The following UBE3D variants were observed in gnomAD, a reference collection of about 807,000 sequenced individuals.
UBE3D encodes the protein ubiquitin protein ligase E3D, also known as E3 ubiquitin-protein ligase E3D.
A neutral mutation model predicts 49.6 loss-of-function variants in UBE3D; 48 were observed. The observed-to-expected ratio is 0.97, with a 90% CI of 0.77 to 1.23. UBE3D has a LOEUF of 1.23. Ranked by LOEUF, UBE3D falls within the 50% of genes most tolerant of loss-of-function variation. The pLI is 0.00. For synonymous variants in UBE3D, 189 were observed against 174.2 expected (o/e 1.08, Z -0.67); for missense variants, 452 against 468.4 (o/e 0.96, Z 0.32).
chr6:83,035,844 AG>A (rs1262604132), intron 5 of UBE3D, among the ~76,000 whole-genome samples: 22 of 152,234 alleles, frequency 1.4e-4, no homozygotes, highest in African/African-American at 5.1e-4. Context: ...AATTTCTATA[AG>A]CTAGATGTTG....
chr6:82,914,697 C>T (rs1164914809), intron 9 of UBE3D, among the ~76,000 whole-genome samples: 2 of 152,184 alleles, frequency 1.3e-5, no homozygotes, highest in African/African-American at 2.4e-5. Context: ...GACTTCCACA[C>T]TCATTTTTGA....
chr6:82,928,025 C>G (rs976747549), intron 9 of UBE3D, among the ~76,000 whole-genome samples: 1 of 151,900 alleles, frequency 6.6e-6, no homozygotes, highest in Non-Finnish European at 1.5e-5. Flanking sequence ...ACAGTGAACC[C>G]TAATGTAAAC....
downstream of UBE3D, among the ~76,000 whole-genome samples, chr6:82,891,646 T>A (rs1221893385): frequency 1.3e-5 from 2 of 152,232 alleles, no homozygotes; most frequent in Non-Finnish European, 2.9e-5. Flanking sequence ...GCTTTGCTAG[T>A]AAGACAAATG....
chr6:82,938,956 A>G (rs1393538421), intron 9 of UBE3D, among the ~76,000 whole-genome samples: 4 of 152,066 alleles, frequency 2.6e-5, no homozygotes, highest in Non-Finnish European at 5.9e-5. Context: ...CTGAGGCAAG[A>G]GGATTGCTTG....
chr6:83,043,440 G>C (rs1422693796), intron 4 of UBE3D, among the ~76,000 whole-genome samples: 1 of 152,020 alleles, frequency 6.6e-6, no homozygotes, highest in African/African-American at 2.4e-5. Context: ...TTTCACCAAA[G>C]TGAACCATAT....
At chr6:83,045,804 T>C (rs950819689) in intron 3 of UBE3D, among the ~76,000 whole-genome samples, 6 of 152,190 alleles carry the variant, frequency 3.9e-5, no homozygotes, top group Non-Finnish European at 8.8e-5. Flanking sequence ...CACCTGTTTT[T>C]CCACTAATAT....
At chr6:82,912,815 C>T (rs1772625448) in intron 9 of UBE3D, among the ~76,000 whole-genome samples, 1 of 152,082 alleles carries the variant, frequency 6.6e-6, no homozygotes, top group African/African-American at 2.4e-5. Context: ...ATGTGTCAGG[C>T]AATAAAAAGC....
intron 1 of UBE3D, among the ~76,000 whole-genome samples, chr6:83,064,206 T>G (rs1051162771): frequency 7.9e-5 from 12 of 152,158 alleles, no homozygotes; most frequent in Admixed American, 7.2e-4. Flanking sequence ...CCAGCAAAGT[T>G]AGGTTTCTTT....
chr6:82,895,260 G>A (rs1394945258), intron 9 of UBE3D, among the ~76,000 whole-genome samples: 9 of 152,166 alleles, frequency 5.9e-5, no homozygotes, highest in South Asian at 2.1e-4. Context: ...GCAGTGAGCC[G>A]AGATCACGCT....
chr6:83,022,364 G>A (rs139986490), intron 7 of UBE3D, 89 bp downstream of exon 7: 1 of 868,126 alleles, frequency 1.2e-6, no homozygotes, highest in East Asian at 3.1e-5. Flanking sequence ...TTCCACACCT[G>A]AGAATTAAGA....
intron 8 of UBE3D, among the ~76,000 whole-genome samples, chr6:82,974,238 G>A (rs1399394857): frequency 6.6e-6 from 1 of 152,086 alleles, no homozygotes; most frequent in Non-Finnish European, 1.5e-5. Flanking sequence ...ATCCTGGTCT[G>A]TGGAAAAACT....
intron 9 of UBE3D, among the ~76,000 whole-genome samples, chr6:82,943,256 C>CT (rs1554188395): frequency 2.0e-5 from 3 of 152,014 alleles, no homozygotes; most frequent in South Asian, 2.1e-4. Flanking sequence ...AACTGACTTG[C>CT]TTTTTTTTAG....
At chr6:82,937,459 A>G (rs1302675148) in intron 9 of UBE3D, among the ~76,000 whole-genome samples, 2 of 152,200 alleles carry the variant, frequency 1.3e-5, no homozygotes, top group African/African-American at 2.4e-5. Context: ...AAGCAGACAC[A>G]TATCTTTAGC....
At chr6:82,994,501 C>T (rs1269926481) in intron 8 of UBE3D, among the ~76,000 whole-genome samples, 7 of 152,046 alleles carry the variant, frequency 4.6e-5, no homozygotes. Flanking sequence ...TAATACTAAT[C>T]CAAGGAGATA....
At chr6:82,910,582 C>T (rs1444523090) in intron 9 of UBE3D, among the ~76,000 whole-genome samples, 1 of 152,126 alleles carries the variant, frequency 6.6e-6, no homozygotes, top group Admixed American at 6.5e-5. Context: ...AAAGTTGAGA[C>T]CAAGGTGCCA....
chr6:83,013,324 G>A (rs1279778383), intron 8 of UBE3D, among the ~76,000 whole-genome samples: 1 of 152,096 alleles, frequency 6.6e-6, no homozygotes, highest in Non-Finnish European at 1.5e-5. Flanking sequence ...AAGATGGCAG[G>A]GCCTTACTCC....
chr6:82,928,193 C>A (rs1773896293), intron 9 of UBE3D, among the ~76,000 whole-genome samples: 1 of 151,842 alleles, frequency 6.6e-6, no homozygotes, highest in Non-Finnish European at 1.5e-5. Flanking sequence ...TTTCTGTGAA[C>A]CTAAAACTGC....
intron 9 of UBE3D, among the ~76,000 whole-genome samples, chr6:82,945,560 A>G (rs1775340392): frequency 6.6e-6 from 1 of 152,200 alleles, no homozygotes; most frequent in African/African-American, 2.4e-5. Flanking sequence ...TGATGTGAAG[A>G]CTACAATAAA....
intron 8 of UBE3D, among the ~76,000 whole-genome samples, chr6:82,978,457 C>A (rs1777882316): frequency 6.6e-6 from 1 of 152,070 alleles, no homozygotes; most frequent in African/African-American, 2.4e-5. Context: ...CAGGGCTAAA[C>A]ATAGAAAAGT....
Sources: allele counts gnomAD v4.1 joint callset (sites outside exome capture counted in the v4.1 genomes callset), GRCh38; gene constraint gnomAD v4.1.1; transcripts MANE v1.5; gene names NCBI Gene and HGNC (gene_info 2026-07-23, HGNC 2026-07-21).